ADAMTS2: variants seen among roughly 807,000 people sequenced by gnomAD.
ADAMTS2 encodes ADAM metallopeptidase with thrombospondin type 1 motif 2, also known as A disintegrin and metalloproteinase with thrombospondin motifs 2.
A neutral mutation model predicts 123.0 loss-of-function variants in ADAMTS2; 50 were observed. The ratio of observed to expected loss-of-function variants is 0.41; its 90% CI spans 0.32 to 0.51. The LOEUF is 0.51. Ranked by LOEUF, ADAMTS2 falls within the 20% of genes least tolerant of loss-of-function variation. The pLI, the probability that ADAMTS2 is intolerant of heterozygous loss-of-function variation, is 0.35. For synonymous variants in ADAMTS2, 678 were observed against 695.4 expected (o/e 0.98, Z 0.39); for missense variants, 1,494 against 1,705.2 (o/e 0.88, Z 2.18).
At chr5:179,237,227 C>A (rs1200253860) in intron 3 of ADAMTS2, among the ~76,000 whole-genome samples, 2 of 152,226 alleles carry the variant, frequency 1.3e-5, no homozygotes, top group African/African-American at 4.8e-5. Context: ...CGTGCCACTG[C>A]ACTCCAGCCT....
At chr5:179,154,996 C>T (rs909978225) in intron 6 of ADAMTS2, 77 bp from the exon 7 acceptor site, 22 of 1,328,698 alleles carry the variant, frequency 1.7e-5, no homozygotes, top group East Asian at 9.9e-5. Flanking sequence ...AACTCCCAGG[C>T]GCTGCTTCTC....
rs35445112 is a variant in ADAMTS2, at chr5:179,128,096, C to T, written c.2480G>A (p.Arg827Gln). 52,342 of 1,613,704 alleles carry T rather than the reference C, an allele frequency of 0.032. 1,010 individuals are homozygous for T. Among genetic ancestry groups the T allele is most frequent in the Non-Finnish European group, 0.038 (44,396 of 1,179,992 alleles). ...TVLVIPVGDTRVSLTYKYMIH... is the reference protein window; with the variant it reads ...TVLVIPVGDTQVSLTYKYMIH... ...CATGTATTTGTACGTCAGTGAGACC[C>T]GGGTGTCTCCCACCGGGATGACCTG... The change falls in exon 17 of 22, where the codon CGG (arginine) becomes CAG (glutamine). Residue 827 changes from arginine (R) to glutamine (Q), a missense_variant. This residue lies in a region of ADAMTS2 where 953 missense variants were observed against 1,124.7 expected (regional missense o/e 0.85). Transcript: ENST00000251582. The surrounding 1 kb of genome is among the most constrained non-coding windows in gnomAD (Gnocchi z 4.9).
rs1030041934 is a variant in ADAMTS2 at position 179,175,793 on chromosome 5, T to G, written c.975+5279A>C. The stretch of plus-strand genomic sequence containing the variant: ...CATGTCACATACAAGTATCTAGGAT[T>G]TTCAGAACCACAGTAACTAGTTTAT... On this transcript the variant is annotated intron_variant, in intron 5 of 21. Transcript: ENST00000251582. This position sits in a 1 kb window ranked among gnomAD's most constrained non-coding sequence, Gnocchi z 4.1. Among the ~76,000 whole-genome samples, 1 of 152,228 alleles carries G rather than the reference T, an allele frequency of 6.6e-6. No homozygotes were observed. Among genetic ancestry groups the G allele is most frequent in the African/African-American group, 2.4e-5 (1 of 41,450 alleles).
At chr5:179,119,003 C>A (rs1398640601) in intron 21 of ADAMTS2, among the ~76,000 whole-genome samples, 1 of 152,206 alleles carries the variant, frequency 6.6e-6, no homozygotes, top group Non-Finnish European at 1.5e-5. Flanking sequence ...GCTCAGACAC[C>A]CATGCCAACA....
chr5:179,134,938 T>C (rs1345583950), intron 13 of ADAMTS2, among the ~76,000 whole-genome samples: 1 of 44,088 alleles, frequency 2.3e-5, no homozygotes, highest in African/African-American at 9.7e-5. Context: ...AGCCCCCAGC[T>C]CCCGACTCCA....
chr5:179,283,282 G>A (rs778974311), intron 2 of ADAMTS2, among the ~76,000 whole-genome samples: 36 of 151,700 alleles, frequency 2.4e-4, no homozygotes, highest in Non-Finnish European at 1.9e-4. Context: ...AATAAATGGG[G>A]GCAGGCAAAA....
intron 4 of ADAMTS2, among the ~76,000 whole-genome samples, chr5:179,204,969 C>T (rs1764645251): frequency 6.6e-6 from 1 of 152,262 alleles, no homozygotes; most frequent in Admixed American, 6.5e-5. Flanking sequence ...ACTTTCTCAA[C>T]TTCTGAGACT....
In ADAMTS2 at chr5:179,253,439, T is replaced by A. The variant is rs10070747; in HGVS notation, c.688+19472A>T. Among the ~76,000 whole-genome samples, 1,081 of 151,808 alleles carry A rather than the reference T, an allele frequency of 7.1e-3. 13 individuals carry two copies. Among genetic ancestry groups the A allele is most frequent in the African/African-American group, 0.024 (979 of 41,418 alleles). On this transcript the variant is annotated intron_variant, in intron 3 of 21. Coordinates refer to ENST00000251582, the MANE Select transcript of ADAMTS2 (RefSeq NM_014244.5). ...TGGGCGGATCCCTTGAGGCCAGGAGTTCGAGACCAGCCTGACCAACAGGGT... is the reference window on the plus strand; with the variant it reads ...TGGGCGGATCCCTTGAGGCCAGGAGATCGAGACCAGCCTGACCAACAGGGT...
rs754157433 is a variant in ADAMTS2, at chr5:179,154,915, A to G, written c.1137T>C (p.Tyr379=). 3.7e-6 allele frequency: 6 copies of G among 1,613,020 alleles called. No homozygotes were observed. The South Asian group carries it at 6.6e-5, about 18-fold the overall frequency. The change falls in exon 7 of 22, where the codon TAT becomes TAC. Residue 379 remains tyrosine (Y), a synonymous_variant. Transcript: ENST00000251582. The part of the protein sequence containing the change: ...QDFGPSGMQG[Y]APVTGMCHPV... The stretch of plus-strand genomic sequence containing the variant: ...GATGGCACATGCCGGTGACAGGAGC[A>G]TAGCCTGGGAGGAGACAAGAGGCGG...
In ADAMTS2 at chr5:179,308,698, T is replaced by C; in HGVS notation, c.534+35069A>G. The stretch of plus-strand genomic sequence containing the variant: ...GAGAAGTGCCTCCTTCCTAAGGTGG[T>C]GTCCCAGCAGATGAATCTGGCTGGC... On this transcript the variant is annotated intron_variant, in intron 2 of 21. Transcript: ENST00000251582. The surrounding 1 kb of genome is among the most constrained non-coding windows in gnomAD (Gnocchi z 6.6). Among the ~76,000 whole-genome samples, 1 of 152,164 alleles carries C rather than the reference T, an allele frequency of 6.6e-6. No homozygotes were observed. The highest frequency in any genetic ancestry group is 1.9e-4 in the East Asian group (1 of 5,180).
At chr5:179,270,001 C>A (rs540355972) in intron 3 of ADAMTS2, among the ~76,000 whole-genome samples, 78 of 152,296 alleles carry the variant, frequency 5.1e-4, no homozygotes, top group Middle Eastern at 3.4e-3. Flanking sequence ...ACCCTCCCCG[C>A]TCCCTCACCC....
At chr5:179,116,223 C>G (rs72816695) in intron 21 of ADAMTS2, among the ~76,000 whole-genome samples, 327 of 152,100 alleles carry the variant, frequency 2.1e-3, no homozygotes, top group Middle Eastern at 6.8e-3. Flanking sequence ...CTGCTTCAGT[C>G]AGAATGCTGT....
Position 179,276,305 on chromosome 5 carries a change from C to T in ADAMTS2, c.535-3241G>A, listed in dbSNP as rs530302027. 7.2e-5 allele frequency among the ~76,000 whole-genome samples: 11 copies of T among 152,232 alleles called. No individual in the cohort carries two copies. In the South Asian group the frequency reaches 1.2e-3, roughly 17 times the overall value. ...TGGGAGGGTCCAGCACTGATGGTCCCGGTGCGTGGTGTGGAGAAGGCTGGT... is the reference window on the plus strand; with the variant it reads ...TGGGAGGGTCCAGCACTGATGGTCCTGGTGCGTGGTGTGGAGAAGGCTGGT... On this transcript the variant is annotated intron_variant, in intron 2 of 21. Transcript: ENST00000251582.
chr5:179,329,326 CAAAAAA>C (rs79153534), intron 2 of ADAMTS2, among the ~76,000 whole-genome samples: 1 of 85,716 alleles, frequency 1.2e-5, no homozygotes, highest in African/African-American at 3.8e-5. Flanking sequence ...GACTCCGTCT[CAAAAAA>C]AAAAAAAAAA....
chr5:179,343,746 G>A (rs191234000), intron 2 of ADAMTS2, 21 bp downstream of exon 2: 188 of 1,606,598 alleles, frequency 1.2e-4, no homozygotes, highest in Admixed American at 2.7e-4. Flanking sequence ...AGAGAAAGGA[G>A]CTAGAGAAGT....
chr5:179,174,475 A>G (rs758157960), intron 5 of ADAMTS2, among the ~76,000 whole-genome samples: 97 of 152,022 alleles, frequency 6.4e-4, no homozygotes, highest in Middle Eastern at 3.4e-3. Flanking sequence ...GACAACCAAT[A>G]TTTTCTTCTT....
Position 179,210,767 on chromosome 5 carries a change from T to C in ADAMTS2, c.689-3052A>G, listed in dbSNP as rs74735878. On this transcript the variant is annotated intron_variant, in intron 3 of 21. Transcript: ENST00000251582. ...AGGAGCTCTGGCCCAGCCCCCCTCCTGTCCTCCTCTGTCCCAACAAGACCC... is the reference window on the plus strand; with the variant it reads ...AGGAGCTCTGGCCCAGCCCCCCTCCCGTCCTCCTCTGTCCCAACAAGACCC... 4.3e-3 allele frequency among the ~76,000 whole-genome samples: 650 copies of C among 152,328 alleles called. 4 individuals carry two copies. The highest frequency in any genetic ancestry group is 0.015 in the African/African-American group (612 of 41,578).
rs1330844960 is a variant in ADAMTS2 at position 179,285,250 on chromosome 5, T to C, written c.535-12186A>G. ...TTGTTTTACATTTTTACAAAGGGCA[T>C]ATAGCAAAACAGACAATTCATGTGA... is the stretch of plus-strand genomic sequence containing the variant. On this transcript the variant is annotated intron_variant, in intron 2 of 21. Coordinates refer to ENST00000251582, the MANE Select transcript of ADAMTS2 (RefSeq NM_014244.5). This position sits in a 1 kb window ranked among gnomAD's most constrained non-coding sequence, Gnocchi z 4.9. Among the ~76,000 whole-genome samples, 1 of 152,154 alleles carries C rather than the reference T, an allele frequency of 6.6e-6. No homozygotes were observed. The highest frequency in any genetic ancestry group is 1.5e-5 in the Non-Finnish European group (1 of 68,034).
At chr5:179,198,762 A>G (rs1002467645) in intron 4 of ADAMTS2, among the ~76,000 whole-genome samples, 1 of 150,124 alleles carries the variant, frequency 6.7e-6, no homozygotes, top group Non-Finnish European at 1.5e-5. Flanking sequence ...TGAACCTGAG[A>G]GGTGGCGGTT....
Sources: gnomAD v4.1 joint callset for allele counts (sites outside exome capture counted in the v4.1 genomes callset) on GRCh38, gnomAD v4.1.1 for gene constraint, gnomAD v4.1.1 regional missense constraint, Gnocchi (gnomAD v3.1) non-coding constraint, MANE v1.5 for transcripts, NCBI Gene and HGNC (gene_info 2026-07-23, HGNC 2026-07-21) for gene names.